RIMS2: variants seen among roughly 807,000 people sequenced by gnomAD.
RIMS2 encodes regulating synaptic membrane exocytosis protein 2.
Under a neutral mutation model 174.4 loss-of-function variants are expected in RIMS2, and 59 were observed. The observed-to-expected ratio is 0.34, with a 90% confidence interval of 0.27 to 0.42. The LOEUF (loss-of-function observed/expected upper bound fraction) is 0.42. Ranked by LOEUF, RIMS2 falls within the 10% of genes least tolerant of loss-of-function variation. The pLI, the probability that RIMS2 is intolerant of heterozygous loss-of-function variation, is 1.00. For synonymous variants in RIMS2, 606 were observed against 572.5 expected, an observed-to-expected ratio of 1.06 and a Z score of -0.84; for missense variants, 1,620 against 1,666.3, an observed-to-expected ratio of 0.97 and a Z score of 0.48.
At chr8:103,916,683 C>A in intron 8 of RIMS2, 146 bp downstream of exon 11, 2 of 583,550 alleles carry the variant, frequency 3.4e-6, no homozygotes, top group Non-Finnish European at 2.9e-6. Context: ...ACAAAAGCAC[C>A]ACACCAAAAA....
At position 104,017,111 on chromosome 8, in the gene RIMS2, G is replaced by A. The variant is rs548494360; in HGVS notation, c.3334+2496G>A. On this transcript the variant is annotated intron_variant, in intron 19 of 23. Coordinates refer to ENST00000504942, the Ensembl canonical transcript of RIMS2. ...GTGTTTTTATAAATGTTGATATGGA[G>A]ACTTCAGTAGATTATGCAATTTTTT... 4.6e-5 allele frequency among the ~76,000 whole-genome samples: 7 copies of A among 151,332 alleles called. No homozygotes were observed. In the South Asian group the frequency reaches 1.5e-3, roughly 31 times the overall value.
At chr8:104,239,826 G>GT (rs1298736192) in intron 19 of RIMS2, among the ~76,000 whole-genome samples, 1 of 152,144 alleles carries the variant, frequency 6.6e-6, no homozygotes, top group African/African-American at 2.4e-5. Flanking sequence ...GTTTGGCTGG[G>GT]TTTTTTCTCT....
chr8:103,727,877 C>T (rs2097543357), intron 2 of RIMS2, among the ~76,000 whole-genome samples: 2 of 152,080 alleles, frequency 1.3e-5, no homozygotes, highest in African/African-American at 4.8e-5. Flanking sequence ...AATGTGATTC[C>T]TCCAGTGTTA....
chr8:104,119,667 A>G (rs1394755819), intron 19 of RIMS2, among the ~76,000 whole-genome samples: 24 of 152,208 alleles, frequency 1.6e-4, no homozygotes, highest in Non-Finnish European at 2.9e-5. Context: ...TAGTACAAAT[A>G]AAGCCTGTCT....
intron 2 of RIMS2, among the ~76,000 whole-genome samples, chr8:103,728,186 T>G (rs1278514365): frequency 6.6e-6 from 1 of 152,170 alleles, no homozygotes; most frequent in African/African-American, 2.4e-5. Flanking sequence ...CATTTAATTT[T>G]ATTTGTGTTT....
At chr8:104,184,102 T>C (rs1318027842) in intron 19 of RIMS2, among the ~76,000 whole-genome samples, 3 of 151,678 alleles carry the variant, frequency 2.0e-5, no homozygotes, top group Non-Finnish European at 4.4e-5. Flanking sequence ...ATGTGCTATC[T>C]ATGTCATAAC....
intron 3 of RIMS2, among the ~76,000 whole-genome samples, chr8:103,846,555 C>G (rs1377154662): frequency 6.6e-6 from 1 of 152,074 alleles, no homozygotes; most frequent in South Asian, 2.1e-4. Flanking sequence ...CTTTGGAGAA[C>G]AGGGATACTA....
At chr8:104,169,414 T>A (rs573153515) in intron 19 of RIMS2, among the ~76,000 whole-genome samples, 1 of 150,106 alleles carries the variant, frequency 6.7e-6, no homozygotes, top group South Asian at 2.1e-4. Flanking sequence ...ACTAGGAGGG[T>A]TGCATATTTC....
At chr8:103,647,222 A>AAT (rs2096355313) in intron 1 of RIMS2, among the ~76,000 whole-genome samples, 3 of 152,092 alleles carry the variant, frequency 2.0e-5, no homozygotes, top group Non-Finnish European at 4.4e-5. Flanking sequence ...GTGCTGCTGG[A>AAT]TTCGGTTTGC....
chr8:104,210,061 A>C (rs1479390450), intron 19 of RIMS2, among the ~76,000 whole-genome samples: 2 of 152,224 alleles, frequency 1.3e-5, no homozygotes, highest in African/African-American at 4.8e-5. Flanking sequence ...GAAATGATGT[A>C]GAACTATAAG....
Position 104,211,798 on chromosome 8 carries a change from G to A in RIMS2, c.3335-33118G>A, listed in dbSNP as rs376154867. ...CAAAGTGCTAGGATTACAGGCGTGA[G>A]CCACCGCGCGTGACTGGATTATTTT... On this transcript the variant is annotated intron_variant, in intron 19 of 23. Transcript: ENST00000504942. 7.2e-4 allele frequency among the ~76,000 whole-genome samples: 109 copies of A among 152,282 alleles called. 2 individuals are homozygous for A. In the South Asian group the frequency reaches 0.022, roughly 30 times the overall value.
intron 3 of RIMS2, among the ~76,000 whole-genome samples, chr8:103,786,904 C>G (rs919274233): frequency 1.3e-5 from 2 of 151,798 alleles, no homozygotes; most frequent in African/African-American, 4.8e-5. Context: ...GTGTGGGAGT[C>G]TAAGTCTCTT....
intron 17 of RIMS2, among the ~76,000 whole-genome samples, chr8:103,992,111 T>C (rs554739044): frequency 8.1e-4 from 123 of 152,146 alleles, no homozygotes; most frequent in Non-Finnish European, 1.5e-3. Context: ...GTTGTTGTTT[T>C]GTTTGTTTGT....
intron 1 of RIMS2, among the ~76,000 whole-genome samples, chr8:103,582,353 A>G (rs1054269646): frequency 6.6e-6 from 1 of 152,174 alleles, no homozygotes; most frequent in Non-Finnish European, 1.5e-5. Context: ...GACTCAGCAC[A>G]TTACCAGCTG....
chr8:103,800,308 C>T (rs1446370015), intron 3 of RIMS2, among the ~76,000 whole-genome samples: 3 of 151,878 alleles, frequency 2.0e-5, no homozygotes, highest in Non-Finnish European at 4.4e-5. Context: ...CTTTTCAAGT[C>T]GTAAGCCTTT....
chr8:103,550,052 G>C (rs1200356490), intron 1 of RIMS2, among the ~76,000 whole-genome samples: 2 of 152,020 alleles, frequency 1.3e-5, no homozygotes, highest in Non-Finnish European at 2.9e-5. Context: ...ATCAACGAGA[G>C]AGAAAGTTAA....
chr8:103,938,017 T>C (rs1004805520), intron 13 of RIMS2, among the ~76,000 whole-genome samples: 2 of 151,884 alleles, frequency 1.3e-5, no homozygotes, highest in Non-Finnish European at 2.9e-5. Flanking sequence ...CCCAGCTAAT[T>C]TTGTTTTTTT....
At chr8:103,596,364 T>G (rs1485890060) in intron 1 of RIMS2, among the ~76,000 whole-genome samples, 1 of 152,120 alleles carries the variant, frequency 6.6e-6, no homozygotes, top group Non-Finnish European at 1.5e-5. Flanking sequence ...ACTCAAATAC[T>G]TTATAAACCT....
At chr8:103,689,907 TTTGTTTGA>T (rs977703077) in intron 1 of RIMS2, among the ~76,000 whole-genome samples, 4 of 58,216 alleles carry the variant, frequency 6.9e-5, no homozygotes, top group Non-Finnish European at 9.4e-5. Flanking sequence ...TATTGGATTT[TTTGTTTGA>T]TTGTTTGTTT....
Sources: allele counts gnomAD v4.1 joint callset (sites outside exome capture counted in the v4.1 genomes callset), GRCh38; gene constraint gnomAD v4.1.1; transcripts MANE v1.5; gene names NCBI Gene and HGNC (gene_info 2026-07-23, HGNC 2026-07-21).